The following MTMR12 variants were observed in gnomAD, a reference collection of about 807,000 sequenced individuals.
MTMR12 encodes myotubularin-related protein 12.
In MTMR12, 33 loss-of-function variants were observed where a neutral mutation model predicts 96.7. That is an observed-to-expected ratio of 0.34 (90% CI 0.26 to 0.46). MTMR12 has a LOEUF of 0.46. Among genes scored for constraint, MTMR12 ranks in the 20% least tolerant of loss-of-function variants. The probability of loss-of-function intolerance (pLI) is 1.00; values close to 1 mark genes in which losing one functional copy is unlikely to be tolerated. For synonymous variants in MTMR12, 298 were observed against 327.2 expected (o/e 0.91, Z 0.96); for missense variants, 721 against 896.1 (o/e 0.80, Z 2.49).
At chr5:32,279,243 A>G (rs1750187179) in intron 1 of MTMR12, among the ~76,000 whole-genome samples, 1 of 151,962 alleles carries the variant, frequency 6.6e-6, no homozygotes, top group African/African-American at 2.4e-5. Flanking sequence ...TCATCTCTAC[A>G]AAACAAACAA....
intron 5 of MTMR12, among the ~76,000 whole-genome samples, chr5:32,270,584 G>T (rs1479217300): frequency 1.3e-5 from 2 of 152,164 alleles, no homozygotes; most frequent in East Asian, 3.8e-4. Flanking sequence ...GTGGCTCCAG[G>T]AATAAAAACA....
chr5:32,312,805 C>T lies in MTMR12; in HGVS notation c.34G>A (p.Gly12Ser), dbSNP rs1751657459. The change falls in exon 1 of 16, where the codon GGC becomes AGC. Residue 12 changes from glycine to serine, a missense_variant. Coordinates refer to ENST00000382142, the MANE Select transcript of MTMR12 (RefSeq NM_001040446.3). The surrounding 1 kb of genome is among the most constrained non-coding windows in gnomAD (Gnocchi z 5.0). ...LGKGVVGGGG[G>S]TKAPKPSFVS... ...AAGGAGGGCTTGGGGGCCTTGGTGC[C>T]GCCGCCACCGCCGACTACTCCTTTC... 6 of 1,533,010 alleles carry T rather than the reference C, an allele frequency of 3.9e-6. No homozygotes were observed. Among genetic ancestry groups the T allele is most frequent in the African/African-American group, 1.4e-5 (1 of 69,774 alleles). The allele number at this position is 1,533,010 out of a possible 1,614,324, so 95.0% of individuals were successfully genotyped here. A position where few individuals can be genotyped will look rare whatever the true frequency, so the allele number is the denominator to read the frequency against.
chr5:32,288,317 C>T (rs1750620170), intron 1 of MTMR12, among the ~76,000 whole-genome samples: 1 of 152,164 alleles, frequency 6.6e-6, no homozygotes, highest in Admixed American at 6.5e-5. Flanking sequence ...CTCCCTAACC[C>T]ATACTGCCAT....
At chr5:32,260,369 A>C (rs1749316823) in intron 7 of MTMR12, among the ~76,000 whole-genome samples, 1 of 151,608 alleles carries the variant, frequency 6.6e-6, no homozygotes, top group South Asian at 2.1e-4. Flanking sequence ...TGGATGGGGG[A>C]GACCACGGAG....
chr5:32,285,074 T>A (rs1048203664), intron 1 of MTMR12, among the ~76,000 whole-genome samples: 22 of 152,106 alleles, frequency 1.4e-4, no homozygotes, highest in African/African-American at 5.3e-4. Flanking sequence ...AACAGAAGCA[T>A]GGGCCAGGCA....
intron 14 of MTMR12, chr5:32,234,691 G>GT (rs1748137655): frequency 8.4e-6 from 2 of 239,374 alleles, no homozygotes; most frequent in East Asian, 1.7e-4. Flanking sequence ...ATAGGGTGCT[G>GT]TAAGGAGTAA....
intron 1 of MTMR12, among the ~76,000 whole-genome samples, chr5:32,311,671 C>A (rs1162549209): frequency 1.3e-5 from 2 of 152,230 alleles, no homozygotes; most frequent in Non-Finnish European, 2.9e-5. Context: ...AAGCCCTGAG[C>A]AAGGCCTACA....
chr5:32,244,064 T>C (rs769544344), intron 10 of MTMR12, among the ~76,000 whole-genome samples: 134 of 152,168 alleles, frequency 8.8e-4, no homozygotes, highest in Non-Finnish European at 1.6e-3. Flanking sequence ...TGACTCCTCC[T>C]ACATGCCTTA....
chr5:32,231,266 G>A (rs557136437), intron 15 of MTMR12, among the ~76,000 whole-genome samples: 17 of 151,802 alleles, frequency 1.1e-4, no homozygotes, highest in African/African-American at 3.9e-4. Context: ...GTGTGGTGGT[G>A]GGCACCCGAG....
At chr5:32,272,484 A>G (rs988604259) in intron 3 of MTMR12, among the ~76,000 whole-genome samples, 7 of 151,858 alleles carry the variant, frequency 4.6e-5, no homozygotes, top group African/African-American at 1.7e-4. Context: ...GGCTCAAGCT[A>G]ACTTTGCACC....
At chr5:32,298,069 G>A (rs969900625) in intron 1 of MTMR12, among the ~76,000 whole-genome samples, 1 of 152,246 alleles carries the variant, frequency 6.6e-6, no homozygotes, top group Non-Finnish European at 1.5e-5. Flanking sequence ...ATCAGTGGAA[G>A]GGGCAAGAAG....
chr5:32,229,393 C>G lies in MTMR12; in HGVS notation c.*385G>C, dbSNP rs1238779706. ...GGGTTACACAGAAACTTACTATTCC[C>G]AATGACTGGATAAATTATCTTGGCA... On this transcript the variant is annotated 3_prime_UTR_variant, in exon 16 of 16. Transcript: ENST00000382142. 6.1e-6 allele frequency: 1 copy of G among 165,254 alleles called. No individual in the cohort carries two copies. Among genetic ancestry groups the G allele is most frequent in the East Asian group, 1.7e-4 (1 of 5,832 alleles). 10.2% of individuals were successfully genotyped at this position (165,254 alleles called of 1,614,324 possible).
intron 10 of MTMR12, among the ~76,000 whole-genome samples, chr5:32,247,407 C>T (rs1047473309): frequency 5.3e-5 from 8 of 152,028 alleles, no homozygotes; most frequent in Admixed American, 1.3e-4. Context: ...AATCTCAGAG[C>T]GTAAAGACTC....
At chr5:32,280,502 A>G (rs1230531626) in intron 1 of MTMR12, among the ~76,000 whole-genome samples, 2 of 152,238 alleles carry the variant, frequency 1.3e-5, no homozygotes, top group African/African-American at 2.4e-5. Context: ...AGAAAATCTG[A>G]GGGAGAAAAA....
chr5:32,263,125 T>C lies in MTMR12; in HGVS notation c.701A>G (p.Lys234Arg). ...ATGGAAAGCTTACCTCTCACAGACTTTATAGCCTTCGTTGACACTCACTGC... is the reference window on the plus strand; with the variant it reads ...ATGGAAAGCTTACCTCTCACAGACTCTATAGCCTTCGTTGACACTCACTGC... ...YKAVSVNEGY[K>R]VCERLPAYFV... The change falls in exon 7 of 16, where the codon AAA becomes AGA. Residue 234 changes from lysine to arginine, a missense_variant. Lys to Arg is a conservative substitution (Grantham distance 26). Coordinates refer to ENST00000382142, the MANE Select transcript of MTMR12 (RefSeq NM_001040446.3). 1 of 1,614,214 alleles carries C rather than the reference T, an allele frequency of 6.2e-7. No homozygotes were observed. Among genetic ancestry groups the C allele is most frequent in the Non-Finnish European group, 8.5e-7 (1 of 1,180,032 alleles).
At chr5:32,258,557 T>C (rs1249562568) in intron 7 of MTMR12, among the ~76,000 whole-genome samples, 2 of 152,222 alleles carry the variant, frequency 1.3e-5, no homozygotes, top group African/African-American at 4.8e-5. Flanking sequence ...TTCAGCAGCA[T>C]GACCTGGAAG....
rs1429294701 is a variant in MTMR12, at chr5:32,246,175, T to TTTTTTTTTGTTTTG, written c.1021+1826_1021+1827insCAAAACAAAAAAAA. Among the ~76,000 whole-genome samples, 869 of 146,736 alleles carry TTTTTTTTTGTTTTG rather than the reference T, an allele frequency of 5.9e-3. 8 individuals carry two copies. Among genetic ancestry groups the TTTTTTTTTGTTTTG allele is most frequent in the African/African-American group, 0.02 (812 of 40,380 alleles). On this transcript the variant is annotated intron_variant, in intron 10 of 15. Transcript: ENST00000382142. ...CGGTGCCTATTGAGTAGACAGTTTT[T>TTTTTTTTTGTTTTG]TTTTTTTTTGAGATGGAGTCTTGCT... is the stretch of plus-strand genomic sequence containing the variant.
intron 1 of MTMR12, among the ~76,000 whole-genome samples, chr5:32,310,937 G>C (rs1408690931): frequency 1.3e-5 from 2 of 150,978 alleles, no homozygotes; most frequent in African/African-American, 2.4e-5. Flanking sequence ...GCAGTGGCGC[G>C]ATCTCGGCTC....
chr5:32,292,439 C>T (rs1445740126), intron 1 of MTMR12, among the ~76,000 whole-genome samples: 1 of 152,134 alleles, frequency 6.6e-6, no homozygotes, highest in East Asian at 1.9e-4. Flanking sequence ...CACCAGGAGA[C>T]ACAACAATTC....
Sources: allele counts gnomAD v4.1 joint callset (sites outside exome capture counted in the v4.1 genomes callset), GRCh38; gene constraint gnomAD v4.1.1; non-coding constraint Gnocchi (gnomAD v3.1); transcripts MANE v1.5; gene names NCBI Gene and HGNC (gene_info 2026-07-23, HGNC 2026-07-21).